The following RPRD2 variants were observed in gnomAD, a reference collection of about 807,000 sequenced individuals.
RPRD2 encodes the protein regulation of nuclear pre-mRNA domain-containing protein 2.
A neutral mutation model predicts 104.4 loss-of-function variants in RPRD2; 12 were observed. The observed-to-expected ratio is 0.11, with a 90% confidence interval of 0.07 to 0.19. The LOEUF (loss-of-function observed/expected upper bound fraction) is 0.19, where lower values mean the gene tolerates loss of function less well. RPRD2 is among the 10% of genes least tolerant of loss of function. The probability of loss-of-function intolerance (pLI) is 1.00; values close to 1 mark genes in which losing one functional copy is unlikely to be tolerated. For missense variants in RPRD2, 1,543 were observed against 1,790.1 expected (o/e 0.86, Z 2.49); for synonymous variants, 714 against 684.9 (o/e 1.04, Z -0.66).
rs969738099 is a variant in RPRD2 at position 150,474,602 on chromosome 1, A to G, written c.*1268A>G. On this transcript the variant is annotated 3_prime_UTR_variant, in exon 11 of 11. Coordinates refer to ENST00000369068, the MANE Select transcript of RPRD2 (RefSeq NM_015203.5). ...CTGAAAGACTTGTTTGTATTTCTAC[A>G]TCTAGTACTTGGGAAATAGACAATC... 1 of 152,144 alleles carries G rather than the reference A, an allele frequency of 6.6e-6. No individual in the cohort carries two copies. Among genetic ancestry groups the G allele is most frequent in the African/African-American group, 2.4e-5 (1 of 41,420 alleles). 9.4% of individuals were successfully genotyped at this position (152,144 alleles called of 1,614,324 possible).
chr1:150,443,078 T>G (rs1175425233), intron 4 of RPRD2, among the ~76,000 whole-genome samples, 153 bp from the exon 5 acceptor site: 1 of 152,194 alleles, frequency 6.6e-6, no homozygotes, highest in Non-Finnish European at 1.5e-5. Flanking sequence ...ATGTTTAAAT[T>G]TCCTAGTCCA....
At chr1:150,398,418 G>C (rs968694607) in intron 1 of RPRD2, among the ~76,000 whole-genome samples, 2 of 151,834 alleles carry the variant, frequency 1.3e-5, no homozygotes, top group Non-Finnish European at 2.9e-5. Context: ...GGATGGTCTC[G>C]ATCTCCTGAC....
intron 1 of RPRD2, among the ~76,000 whole-genome samples, chr1:150,374,356 G>T (rs1660547509): frequency 6.6e-6 from 1 of 152,138 alleles, no homozygotes; most frequent in Non-Finnish European, 1.5e-5. Context: ...TCTTCATCTG[G>T]TGTTCATTGG....
chr1:150,454,839 C>A (rs782190101), intron 7 of RPRD2, among the ~76,000 whole-genome samples: 1 of 151,914 alleles, frequency 6.6e-6, no homozygotes, highest in Non-Finnish European at 1.5e-5. Flanking sequence ...TAGAACGAGA[C>A]CCTGTCTGAA....
intron 1 of RPRD2, among the ~76,000 whole-genome samples, chr1:150,393,602 A>G (rs1553883608): frequency 6.6e-6 from 1 of 152,122 alleles, no homozygotes; most frequent in East Asian, 1.9e-4. Flanking sequence ...ACTTTATTGT[A>G]GAGGGAAAAA....
At chr1:150,370,062 G>A (rs1572335696) in intron 1 of RPRD2, among the ~76,000 whole-genome samples, 2 of 152,006 alleles carry the variant, frequency 1.3e-5, no homozygotes, top group Middle Eastern at 3.4e-3. Flanking sequence ...GATTACAGGC[G>A]TGAGCCACCA....
At chr1:150,400,180 C>T (rs587615354) in intron 1 of RPRD2, among the ~76,000 whole-genome samples, 59 of 152,178 alleles carry the variant, frequency 3.9e-4, no homozygotes, top group South Asian at 2.5e-3. Flanking sequence ...TTAATTTCCC[C>T]GTTTGTTGCT....
chr1:150,471,224 C>A lies in RPRD2; in HGVS notation c.2276C>A (p.Pro759His). 1 of 1,613,866 alleles carries A rather than the reference C, an allele frequency of 6.2e-7. No homozygotes were observed. Among genetic ancestry groups the A allele is most frequent in the Non-Finnish European group, 8.5e-7 (1 of 1,179,864 alleles). The change falls in exon 11 of 11, where the codon CCT becomes CAT. Residue 759 changes from proline (P) to histidine (H), a missense_variant. Physicochemically the swap from Pro to His is moderately conservative, Grantham distance 77. Coordinates refer to ENST00000369068, the MANE Select transcript of RPRD2 (RefSeq NM_015203.5). This position sits in a 1 kb window ranked among gnomAD's most constrained non-coding sequence, Gnocchi z 5.3. ...TMSLLSKIIS[P>H]GSSTPSSTRS... ...TCCCTGCTTTCTAAGATCATTAGCC[C>A]TGGTTCCTCAACACCCAGCAGTACA...
intron 7 of RPRD2, among the ~76,000 whole-genome samples, chr1:150,449,397 G>T (rs1667007118): frequency 6.6e-6 from 1 of 151,064 alleles, no homozygotes; most frequent in South Asian, 2.1e-4. Flanking sequence ...GATATGCTTG[G>T]GTTTAAGTCT....
chr1:150,369,476 A>T (rs1660115254), intron 1 of RPRD2, among the ~76,000 whole-genome samples: 1 of 23,198 alleles, frequency 4.3e-5, no homozygotes, highest in African/African-American at 1.9e-4. Context: ...TTTTTTTTTG[A>T]GACGGAGTCT....
chr1:150,394,899 T>C (rs1438317941), intron 1 of RPRD2, among the ~76,000 whole-genome samples: 1 of 152,190 alleles, frequency 6.6e-6, no homozygotes, highest in African/African-American at 2.4e-5. Context: ...TGCTTCTGCA[T>C]AGGATAAAGG....
intron 1 of RPRD2, among the ~76,000 whole-genome samples, chr1:150,379,831 C>T (rs6669842): frequency 0.015 from 2,257 of 152,318 alleles, 49 homozygotes; most frequent in African/African-American, 0.052. Context: ...CCAACGCACC[C>T]GGCCAGGTTT....
rs587652595 is a variant in RPRD2, at chr1:150,472,488, C to T, written c.3540C>T (p.Ser1180=). Residue 1180 remains serine (S), a synonymous_variant, in exon 11 of 11, where the codon AGC becomes AGT. Coordinates refer to ENST00000369068, the MANE Select transcript of RPRD2 (RefSeq NM_015203.5). ...CTCAATTTCAGGAGAGTGTCGGCAG[C>T]TTTCGTTCCAACAGTTTCAACTCAA... The part of the protein sequence containing the change: ...RAPQFQESVG[S]FRSNSFNSTF... 14 of 1,613,944 alleles carry T rather than the reference C, an allele frequency of 8.7e-6. No individual in the cohort carries two copies. In the South Asian group the frequency reaches 1.3e-4, roughly 15 times the overall value.
At chr1:150,417,039 G>T (rs967135879) in intron 1 of RPRD2, among the ~76,000 whole-genome samples, 3 of 152,126 alleles carry the variant, frequency 2.0e-5, no homozygotes, top group Non-Finnish European at 2.9e-5. Context: ...ATCTGGATTG[G>T]TTGATGGGGA....
At chr1:150,378,451 C>T (rs12120867) in intron 1 of RPRD2, among the ~76,000 whole-genome samples, 12,456 of 152,178 alleles carry the variant, frequency 0.082, 677 homozygotes, top group Non-Finnish European at 0.12. Context: ...TGGTAGACGG[C>T]TTCCTGCTTC....
At chr1:150,376,700 C>T (rs1660721065) in intron 1 of RPRD2, among the ~76,000 whole-genome samples, 1 of 151,166 alleles carries the variant, frequency 6.6e-6, no homozygotes, top group African/African-American at 2.4e-5. Flanking sequence ...AGGGGTTTCA[C>T]CGTGTTAGCC....
intron 1 of RPRD2, among the ~76,000 whole-genome samples, chr1:150,393,504 A>G (rs1035182838): frequency 1.3e-5 from 2 of 151,470 alleles, no homozygotes. Flanking sequence ...TGGGTGAAAG[A>G]CTGTTGAGGA....
At chr1:150,366,021 C>T (rs587668528) in intron 1 of RPRD2, among the ~76,000 whole-genome samples, 2 of 152,124 alleles carry the variant, frequency 1.3e-5, no homozygotes, top group East Asian at 3.9e-4. Flanking sequence ...TTGTCTTTAT[C>T]CTGGAGATTT....
At chr1:150,446,023 G>A (rs1423499260) in intron 6 of RPRD2, among the ~76,000 whole-genome samples, 9 of 144,548 alleles carry the variant, frequency 6.2e-5, no homozygotes, top group African/African-American at 1.6e-4. Context: ...AGCTGAGATC[G>A]CGCCACTGCA....
Sources: allele counts gnomAD v4.1 joint callset (sites outside exome capture counted in the v4.1 genomes callset), GRCh38; gene constraint gnomAD v4.1.1; non-coding constraint Gnocchi (gnomAD v3.1); transcripts MANE v1.5; gene names NCBI Gene and HGNC (gene_info 2026-07-23, HGNC 2026-07-21).